Variants in GNA14 observed in about 807,000 individuals in gnomAD.
GNA14 encodes the protein G protein subunit alpha 14.
A neutral mutation model predicts 42.0 loss-of-function variants in GNA14; 50 were observed. That is an observed-to-expected ratio of 1.19 (90% CI 0.95 to 1.51). The LOEUF (loss-of-function observed/expected upper bound fraction) is 1.51, where lower values mean the gene tolerates loss of function less well. Ranked by LOEUF, GNA14 falls within the 40% of genes most tolerant of loss-of-function variation. The probability of loss-of-function intolerance (pLI) is 0.00; values close to 1 mark genes in which losing one functional copy is unlikely to be tolerated. For missense variants in GNA14, 473 were observed against 446.2 expected (o/e 1.06, Z -0.54); for synonymous variants, 173 against 163.1 (o/e 1.06, Z -0.46).
intron 1 of GNA14, among the ~76,000 whole-genome samples, chr9:77,618,615 TATATA>T (rs1390986338): frequency 0.018 from 196 of 11,114 alleles, 3 homozygotes; most frequent in Non-Finnish European, 0.023. Flanking sequence ...TATATATATA[TATATA>T]TTTTTTTTTT....
intron 2 of GNA14, among the ~76,000 whole-genome samples, chr9:77,463,766 C>T (rs1836160588): frequency 7.1e-6 from 1 of 140,596 alleles, no homozygotes; most frequent in African/African-American, 3.3e-5. Flanking sequence ...CCACCAAGGA[C>T]AGGAAATATT....
chr9:77,427,981 T>G (rs1184408396), intron 5 of GNA14, among the ~76,000 whole-genome samples: 1 of 152,106 alleles, frequency 6.6e-6, no homozygotes, highest in African/African-American at 2.4e-5. Context: ...GGTTGTGCAG[T>G]AGAATCCCTG....
intron 2 of GNA14, among the ~76,000 whole-genome samples, chr9:77,436,079 G>A (rs887426763): frequency 1.3e-5 from 2 of 152,172 alleles, no homozygotes; most frequent in African/African-American, 4.8e-5. Flanking sequence ...CAGAGAAAAG[G>A]AGGATCTTAC....
In GNA14 at chr9:77,423,313, G is replaced by A. The variant is rs1468219858; in HGVS notation, c.*666C>T. ...CATTTTTCACCAATAAAACATATAT[G>A]CTATCTAGAGCCCATTTACTCTATG... is the stretch of plus-strand genomic sequence containing the variant. On this transcript the variant is annotated 3_prime_UTR_variant, in exon 7 of 7. Transcript: ENST00000341700. 6.6e-6 allele frequency: 1 copy of A among 151,994 alleles called. No individual in the cohort carries two copies. The highest frequency in any genetic ancestry group is 1.5e-5 in the Non-Finnish European group (1 of 68,014). The allele number at this position is 151,994 out of a possible 1,614,324, so 9.4% of individuals were successfully genotyped here.
chr9:77,428,856 A>G (rs748451120), intron 5 of GNA14, 51 bp downstream of exon 5: 2 of 1,590,638 alleles, frequency 1.3e-6, no homozygotes, highest in Non-Finnish European at 1.7e-6. Context: ...CTTAGAAACC[A>G]CAGAATAGGC....
intron 1 of GNA14, among the ~76,000 whole-genome samples, chr9:77,623,088 G>A (rs932867630): frequency 4.0e-5 from 6 of 150,216 alleles, no homozygotes; most frequent in African/African-American, 1.2e-4. Context: ...GGTGGCATGC[G>A]CCTGTAGTTC....
At chr9:77,642,663 T>C (rs1240864043) in intron 1 of GNA14, among the ~76,000 whole-genome samples, 1 of 151,920 alleles carries the variant, frequency 6.6e-6, no homozygotes, top group Non-Finnish European at 1.5e-5. Context: ...CAGCTACTTG[T>C]GAGGCTGAGG....
intron 1 of GNA14, among the ~76,000 whole-genome samples, chr9:77,603,333 G>T (rs1205405361): frequency 6.6e-6 from 1 of 152,094 alleles, no homozygotes; most frequent in Non-Finnish European, 1.5e-5. Flanking sequence ...CTGGCATCAA[G>T]GGTCAGGAGG....
intron 1 of GNA14, among the ~76,000 whole-genome samples, chr9:77,572,089 G>T (rs1823069086): frequency 6.6e-6 from 1 of 152,134 alleles, no homozygotes; most frequent in Non-Finnish European, 1.5e-5. Flanking sequence ...AGGGTGAATA[G>T]AAAGGCCCAT....
At chr9:77,427,748 A>G (rs1214120867) in intron 5 of GNA14, among the ~76,000 whole-genome samples, 2 of 134,178 alleles carry the variant, frequency 1.5e-5, no homozygotes, top group Admixed American at 1.4e-4. Context: ...GGGACAACGC[A>G]TGCCTGACCA....
intron 1 of GNA14, among the ~76,000 whole-genome samples, chr9:77,570,774 T>C (rs1823047590): frequency 6.6e-6 from 1 of 152,210 alleles, no homozygotes; most frequent in Admixed American, 6.5e-5. Flanking sequence ...TGCTGGGTCG[T>C]ATGGTAGCTC....
intron 2 of GNA14, among the ~76,000 whole-genome samples, chr9:77,448,944 G>C (rs1022461188): frequency 1.3e-5 from 2 of 152,168 alleles, no homozygotes; most frequent in African/African-American, 4.8e-5. Flanking sequence ...AAATAATTTA[G>C]ATTGTGGACC....
intron 1 of GNA14, among the ~76,000 whole-genome samples, chr9:77,548,392 A>G (rs1837746804): frequency 6.6e-6 from 1 of 152,200 alleles, no homozygotes. Flanking sequence ...TTACATCTAC[A>G]GAGACCCTAT....
At chr9:77,546,124 G>A (rs1837716203) in intron 1 of GNA14, among the ~76,000 whole-genome samples, 1 of 149,758 alleles carries the variant, frequency 6.7e-6, no homozygotes, top group East Asian at 2.0e-4. Context: ...GGCTGAGGCA[G>A]GAGAATCACT....
chr9:77,526,077 T>TA (rs71358611), intron 2 of GNA14, among the ~76,000 whole-genome samples: 7 of 74,784 alleles, frequency 9.4e-5, no homozygotes, highest in Non-Finnish European at 1.7e-4. Context: ...AATTTTTGTA[T>TA]TTTTTTTTTT....
chr9:77,553,890 A>T (rs1226046595), intron 1 of GNA14, among the ~76,000 whole-genome samples: 1 of 152,244 alleles, frequency 6.6e-6, no homozygotes, highest in Admixed American at 6.5e-5. Context: ...ATAAATGCGT[A>T]GTGATAGGAG....
chr9:77,534,888 C>T (rs1837575149), intron 1 of GNA14, among the ~76,000 whole-genome samples: 1 of 152,010 alleles, frequency 6.6e-6, no homozygotes, highest in Non-Finnish European at 1.5e-5. Flanking sequence ...TGAAAAGCAA[C>T]AAGGAGGTGG....
intron 1 of GNA14, among the ~76,000 whole-genome samples, chr9:77,575,317 C>T (rs1248837368): frequency 1.3e-5 from 2 of 152,074 alleles, no homozygotes; most frequent in African/African-American, 2.4e-5. Context: ...GGAAGGCGGA[C>T]GTTGCAGTGA....
intron 1 of GNA14, among the ~76,000 whole-genome samples, chr9:77,573,519 C>T (rs1823089876): frequency 1.3e-5 from 2 of 151,914 alleles, no homozygotes; most frequent in South Asian, 2.1e-4. Flanking sequence ...TTTCAGCTTC[C>T]ACTAGGACAC....
Sources: allele counts gnomAD v4.1 joint callset (sites outside exome capture counted in the v4.1 genomes callset), GRCh38; gene constraint gnomAD v4.1.1; transcripts MANE v1.5; gene names NCBI Gene and HGNC (gene_info 2026-07-23, HGNC 2026-07-21).